Variants in FAM200C observed in about 807,000 individuals in gnomAD.
the FAM200C span, among the ~76,000 whole-genome samples, chr5:160,397,944 A>G: frequency 2.0e-5 from 3 of 152,226 alleles, no homozygotes; most frequent in African/African-American, 7.2e-5. Context: ...GTCACATTAG[A>G]AATCATTACA....
chr5:160,396,444 T>C, the FAM200C span, among the ~76,000 whole-genome samples: 1 of 152,052 alleles, frequency 6.6e-6, no homozygotes, highest in Non-Finnish European at 1.5e-5. Flanking sequence ...CCATGATTCA[T>C]AGTGTCCATA....
At chr5:160,393,647 A>T in the FAM200C span, 1 of 1,226,480 alleles carries the variant, frequency 8.2e-7, no homozygotes, top group Non-Finnish European at 1.1e-6. Context: ...AGACAGAATT[A>T]CAGCTTAATT....
chr5:160,394,164 T>C, the FAM200C span: 1 of 1,611,694 alleles, frequency 6.2e-7, no homozygotes, highest in East Asian at 2.2e-5. Flanking sequence ...TCAGCTGCAA[T>C]GAATATGCCT....
At chr5:160,399,281 G>A in the FAM200C span, among the ~76,000 whole-genome samples, 4 of 152,160 alleles carry the variant, frequency 2.6e-5, no homozygotes, top group African/African-American at 9.7e-5. Flanking sequence ...TTACAAATGA[G>A]AAAAATCAGT....
the FAM200C span, among the ~76,000 whole-genome samples, chr5:160,397,991 C>T: frequency 6.6e-6 from 1 of 152,240 alleles, no homozygotes; most frequent in Non-Finnish European, 1.5e-5. Context: ...CCTGCTACCC[C>T]AGCACTTTGG....
At chr5:160,394,593 AATTT>A in the FAM200C span, 1 of 1,614,168 alleles carries the variant, frequency 6.2e-7, no homozygotes, top group Admixed American at 1.7e-5. Flanking sequence ...CCTTTGATGA[AATTT>A]ATTACCCTCA....
the FAM200C span, chr5:160,393,911 A>C: frequency 2.7e-5 from 44 of 1,614,010 alleles, no homozygotes; most frequent in Non-Finnish European, 3.6e-5. Flanking sequence ...TGTCTTTGCC[A>C]GGTTTGGAAA....
chr5:160,396,764 G>A, the FAM200C span, among the ~76,000 whole-genome samples: 1 of 147,502 alleles, frequency 6.8e-6, no homozygotes, highest in Non-Finnish European at 1.5e-5. Flanking sequence ...TCTTGTTACC[G>A]AGACTTCAGA....
the FAM200C span, chr5:160,399,730 G>A: frequency 1.3e-5 from 2 of 151,834 alleles, no homozygotes; most frequent in African/African-American, 4.8e-5. Context: ...TACTGTTAAG[G>A]ACGGAGATTT....
At chr5:160,395,291 T>G in the FAM200C span, 1 of 1,614,198 alleles carries the variant, frequency 6.2e-7, no homozygotes, top group Non-Finnish European at 8.5e-7. Context: ...TGGCATATGC[T>G]TCAGGCTATT....
the FAM200C span, chr5:160,395,410 A>G: frequency 3.7e-6 from 6 of 1,614,174 alleles, no homozygotes; most frequent in Non-Finnish European, 5.1e-6. Context: ...CACACTGTGG[A>G]CGCTGAGTTC....
At chr5:160,396,697 G>GAAAAAAAAAAAAAAAAAA in the FAM200C span, among the ~76,000 whole-genome samples, 1 of 49,266 alleles carries the variant, frequency 2.0e-5, no homozygotes. Context: ...AAGTCTCTGT[G>GAAAAAAAAAAAAAAAAAA]GAAAAAAAAA....
chr5:160,394,896 CTCTT>C, the FAM200C span: 27 of 1,612,676 alleles, frequency 1.7e-5, no homozygotes, highest in Admixed American at 1.0e-4. Context: ...TCTACGATCT[CTCTT>C]TCTTTTATAT....
At chr5:160,399,423 T>C in the FAM200C span, among the ~76,000 whole-genome samples, 1 of 152,244 alleles carries the variant, frequency 6.6e-6, no homozygotes, top group African/African-American at 2.4e-5. Context: ...TTCTAGCCAC[T>C]GCGTATGCAA....
At chr5:160,398,006 C>A in the FAM200C span, among the ~76,000 whole-genome samples, 1 of 152,202 alleles carries the variant, frequency 6.6e-6, no homozygotes, top group African/African-American at 2.4e-5. Flanking sequence ...CTTTGGGAAG[C>A]CAAGGCGGGC....
At chr5:160,393,156 T>A in the FAM200C span, 1 of 152,334 alleles carries the variant, frequency 6.6e-6, no homozygotes, top group African/African-American at 2.4e-5. Context: ...GATTAATATA[T>A]TAGGCTATTT....
the FAM200C span, chr5:160,393,989 C>T: frequency 6.2e-7 from 1 of 1,613,754 alleles, no homozygotes; most frequent in Non-Finnish European, 8.5e-7. Flanking sequence ...GATTTGGCCA[C>T]TAGCTCGTAA....
chr5:160,393,711 G>C, the FAM200C span: 4 of 1,545,552 alleles, frequency 2.6e-6, no homozygotes, highest in Non-Finnish European at 3.5e-6. Context: ...TCAGCTTACA[G>C]TGACTTCTGC....
the FAM200C span, chr5:160,399,940 G>A: frequency 6.6e-6 from 1 of 152,304 alleles, no homozygotes; most frequent in Non-Finnish European, 1.5e-5. Context: ...GGAACCAGTA[G>A]AGACGGCGGT....
Sources: allele counts gnomAD v4.1 joint callset (sites outside exome capture counted in the v4.1 genomes callset), GRCh38; gene constraint gnomAD v4.1.1; transcripts MANE v1.5.